Variants in RIN2 observed in about 807,000 individuals in gnomAD.
RIN2 encodes the protein RAB5 interacting protein 2.
Under a neutral mutation model 78.0 loss-of-function variants are expected in RIN2, and 36 were observed. The observed-to-expected ratio is 0.46, with a 90% CI of 0.35 to 0.61. RIN2 has a LOEUF of 0.61. RIN2 is among the 20% of genes least tolerant of loss of function. The pLI, the probability that RIN2 is intolerant of heterozygous loss-of-function variation, is 0.00. For synonymous variants in RIN2, 466 were observed against 466.8 expected (o/e 1.00, Z 0.02); for missense variants, 1,087 against 1,159.7 (o/e 0.94, Z 0.91).
chr20:19,788,725 C>T (rs1366277630), intron 1 of RIN2, among the ~76,000 whole-genome samples: 1 of 151,668 alleles, frequency 6.6e-6, no homozygotes, highest in Non-Finnish European at 1.5e-5. Flanking sequence ...AATAGATATG[C>T]AAGAACACCA....
At chr20:19,926,645 A>T (rs2040235928) in intron 3 of RIN2, among the ~76,000 whole-genome samples, 1 of 152,078 alleles carries the variant, frequency 6.6e-6, no homozygotes, top group Non-Finnish European at 1.5e-5. Flanking sequence ...CGCAGAGCTG[A>T]TTCCCGGATT....
intron 1 of RIN2, 189 bp from the exon 2 acceptor site, chr20:19,799,433 G>C (rs1240598751): frequency 2.0e-5 from 3 of 152,144 alleles, no homozygotes; most frequent in Non-Finnish European, 4.4e-5. Flanking sequence ...TTCTGGTAAA[G>C]AAATCTCCCT....
intron 2 of RIN2, among the ~76,000 whole-genome samples, chr20:19,844,636 CTTCTT>C (rs2036695305): frequency 1.5e-5 from 2 of 129,318 alleles, no homozygotes; most frequent in Admixed American, 1.5e-4. Context: ...TCTTCTTCTT[CTTCTT>C]CTTCTTCTTC....
At chr20:19,950,961 C>T (rs1351622516) in intron 4 of RIN2, among the ~76,000 whole-genome samples, 2 of 151,612 alleles carry the variant, frequency 1.3e-5, no homozygotes, top group South Asian at 2.1e-4. Context: ...GCCATCTCAG[C>T]TCACTGCAAC....
Position 19,992,174 on chromosome 20 carries a change from T to G in RIN2, c.2075T>G (p.Met692Arg), listed in dbSNP as rs1413340770. The G allele has an allele frequency of 1.9e-6, 3 of 1,612,464 alleles. No individual in the cohort carries two copies. The Middle Eastern group carries it at 5.0e-4, about 266-fold the overall frequency. Residue 692 changes from methionine (M) to arginine (R), a missense_variant, in exon 11 of 13, where the codon ATG (methionine) becomes AGG (arginine). Around this residue, in one of 8 missense-constraint regions of RIN2, gnomAD observed 45 missense variants for 88.1 expected, o/e 0.51. Coordinates refer to ENST00000255006, the MANE Select transcript of RIN2 (RefSeq NM_018993.4). ...YTVMENNSGR[M>R]YGADDFLPVL... ...CTTCTCTTCCTGCTCTCAGGGAGGA[T>G]GTATGGCGCTGATGACTTCTTGCCA...
chr20:19,849,482 T>C (rs929296951), intron 2 of RIN2, among the ~76,000 whole-genome samples: 1 of 152,170 alleles, frequency 6.6e-6, no homozygotes, highest in African/African-American at 2.4e-5. Flanking sequence ...CTGCTCCTGC[T>C]CAGCAGCAAA....
intron 12 of RIN2, among the ~76,000 whole-genome samples, chr20:19,999,613 A>G (rs1176096199): frequency 6.6e-6 from 1 of 152,238 alleles, no homozygotes; most frequent in Non-Finnish European, 1.5e-5. Flanking sequence ...TCCACTGTTA[A>G]GGAAACAGAA....
At chr20:19,849,293 A>G (rs6081769) in intron 2 of RIN2, among the ~76,000 whole-genome samples, 141,783 of 152,274 alleles carry the variant, frequency 0.93, 66,059 homozygotes, top group East Asian at 1. Flanking sequence ...AGACCTCGAT[A>G]CTGACCAACT....
chr20:19,787,443 A>AT (rs1467898213), intron 1 of RIN2, among the ~76,000 whole-genome samples: 2 of 151,048 alleles, frequency 1.3e-5, no homozygotes, highest in East Asian at 3.9e-4. Flanking sequence ...AAAAAAAAAA[A>AT]AAAGAGAGAG....
chr20:19,952,162 G>A (rs1038262589), intron 4 of RIN2, among the ~76,000 whole-genome samples: 4 of 152,158 alleles, frequency 2.6e-5, no homozygotes, highest in African/African-American at 9.7e-5. Context: ...TCAACTCAAG[G>A]CTAGAAGGCC....
At position 19,975,032 on chromosome 20, in the gene RIN2, A is replaced by C; in HGVS notation, c.1007A>C (p.Glu336Ala). 1 of 1,613,338 alleles carries C rather than the reference A, an allele frequency of 6.2e-7. No individual in the cohort carries two copies. Among genetic ancestry groups the C allele is most frequent in the Non-Finnish European group, 8.5e-7 (1 of 1,179,822 alleles). The change falls in exon 9 of 13, where the codon GAA becomes GCA. Residue 336 changes from glutamate (E) to alanine (A), a missense_variant. Glu to Ala is a moderately radical substitution (Grantham distance 107). Transcript: ENST00000255006. This position sits in a 1 kb window ranked among gnomAD's most constrained non-coding sequence, Gnocchi z 4.9. ...ARTETQTSMP[E>A]TVNHNKHGNV... is the part of the protein sequence containing the mutation. ...ACTGAAACCCAGACGAGCATGCCAG[A>C]AACAGTCAACCATAACAAACATGGG...
intron 2 of RIN2, among the ~76,000 whole-genome samples, chr20:19,885,400 T>C (rs891191076): frequency 6.6e-6 from 1 of 152,156 alleles, no homozygotes; most frequent in Non-Finnish European, 1.5e-5. Flanking sequence ...GAGCGGTGGC[T>C]CATGCCTGTA....
chr20:19,963,672 C>T (rs1215656386), intron 6 of RIN2, among the ~76,000 whole-genome samples: 6 of 150,606 alleles, frequency 4.0e-5, no homozygotes, highest in African/African-American at 1.2e-4. Flanking sequence ...AGAAACACAT[C>T]GGATTGAGGA....
Position 19,990,158 on chromosome 20 carries a change from C to T in RIN2, c.1915C>T (p.Leu639=), listed in dbSNP as rs2042748447. The T allele has an allele frequency of 6.2e-7, 1 of 1,604,276 alleles. No homozygotes were observed. Among genetic ancestry groups the T allele is most frequent in the East Asian group, 2.2e-5 (1 of 44,538 alleles). ...QLVRQRNPQE[L]GVFAPTPDFV... ...TGTGCGGCAGAGGAATCCGCAGGAG[C>T]TGGGGGTCTTCGCCCCGACCCCTGA... Residue 639 remains leucine (L), a synonymous_variant, in exon 10 of 13, where the codon CTG becomes TTG. Transcript: ENST00000255006.
At chr20:19,955,533 C>T (rs181306188) in intron 4 of RIN2, among the ~76,000 whole-genome samples, 164 of 152,152 alleles carry the variant, frequency 1.1e-3, no homozygotes, top group African/African-American at 3.6e-3. Flanking sequence ...AATGGAATTT[C>T]GTCAGGTTCC....
At chr20:19,870,065 C>T (rs2037643469) in intron 2 of RIN2, among the ~76,000 whole-genome samples, 1 of 152,106 alleles carries the variant, frequency 6.6e-6, no homozygotes, top group Admixed American at 6.6e-5. Flanking sequence ...TTTCCTGTAT[C>T]AGCCTCTGAA....
At chr20:19,828,182 T>G (rs192279675) in intron 2 of RIN2, among the ~76,000 whole-genome samples, 21 of 152,218 alleles carry the variant, frequency 1.4e-4, no homozygotes, top group African/African-American at 4.8e-4. Flanking sequence ...CTTTAAACTT[T>G]GTGAAATCTC....
intron 1 of RIN2, among the ~76,000 whole-genome samples, chr20:19,793,790 A>G (rs1568757094): frequency 6.6e-6 from 1 of 152,228 alleles, no homozygotes; most frequent in African/African-American, 2.4e-5. Flanking sequence ...GTTTTGTAGG[A>G]AAAGCTGTGG....
chr20:19,841,504 C>T (rs1443120239), intron 2 of RIN2, among the ~76,000 whole-genome samples: 2 of 152,138 alleles, frequency 1.3e-5, no homozygotes, highest in Non-Finnish European at 2.9e-5. Flanking sequence ...TCTCCTCTTT[C>T]CCTGCTATAA....
Sources: allele counts gnomAD v4.1 joint callset (sites outside exome capture counted in the v4.1 genomes callset), GRCh38; gene constraint gnomAD v4.1.1; regional missense constraint gnomAD v4.1.1; non-coding constraint Gnocchi (gnomAD v3.1); transcripts MANE v1.5; gene names NCBI Gene and HGNC (gene_info 2026-07-23, HGNC 2026-07-21).